Variants in TRABD2B observed in about 807,000 individuals in gnomAD.
The protein encoded by TRABD2B is TraB domain containing 2B.
TRABD2B carries 14 observed loss-of-function variants against 40.1 expected under a neutral mutation model. The observed-to-expected ratio is 0.35, with a 90% CI of 0.23 to 0.55. TRABD2B has a LOEUF of 0.55. Ranked by LOEUF, TRABD2B falls within the 20% of genes least tolerant of loss-of-function variation. The pLI is 0.90. For synonymous variants in TRABD2B, 263 were observed against 277.0 expected, an observed-to-expected ratio of 0.95 and a Z score of 0.50; for missense variants, 541 against 648.6, an observed-to-expected ratio of 0.83 and a Z score of 1.80.
intron 2 of TRABD2B, among the ~76,000 whole-genome samples, chr1:47,929,215 G>A (rs1288583828): frequency 1.3e-5 from 2 of 152,210 alleles, no homozygotes; most frequent in Admixed American, 6.5e-5. Context: ...CAGAGGTCCT[G>A]AGTCTCATGT....
chr1:47,966,854 G>A lies in TRABD2B; in HGVS notation c.666+27180C>T, dbSNP rs191060566. Among the ~76,000 whole-genome samples, 668 of 151,298 alleles carry A rather than the reference G, an allele frequency of 4.4e-3. 5 individuals carry two copies. Among genetic ancestry groups the A allele is most frequent in the African/African-American group, 0.015 (630 of 41,120 alleles). On this transcript the variant is annotated intron_variant, in intron 2 of 6. Coordinates refer to ENST00000606738, the MANE Select transcript of TRABD2B (RefSeq NM_001194986.2). ...CAGGAGGCAGAGGTTGCAGTGAGCT[G>A]AAATCACACCACTGCACCACAGACT...
intron 2 of TRABD2B, among the ~76,000 whole-genome samples, chr1:47,804,376 C>T (rs1366333845): frequency 6.6e-6 from 1 of 152,244 alleles, no homozygotes; most frequent in Non-Finnish European, 1.5e-5. Context: ...GCACATGCCT[C>T]GGATGAAAGT....
intron 2 of TRABD2B, among the ~76,000 whole-genome samples, chr1:47,802,323 T>C (rs529084349): frequency 2.6e-5 from 4 of 152,200 alleles, no homozygotes; most frequent in Non-Finnish European, 5.9e-5. Flanking sequence ...CCTGCACACT[T>C]CCTAAGCAGT....
intron 6 of TRABD2B, among the ~76,000 whole-genome samples, chr1:47,767,572 C>G (rs1448174721): frequency 6.6e-6 from 1 of 152,208 alleles, no homozygotes; most frequent in African/African-American, 2.4e-5. Context: ...AACTGAGGCA[C>G]AAAGCGGTTA....
intron 2 of TRABD2B, among the ~76,000 whole-genome samples, chr1:47,909,450 A>G (rs552161994): frequency 2.0e-4 from 29 of 143,458 alleles, no homozygotes; most frequent in East Asian, 4.2e-4. Context: ...GAAGAAGAAG[A>G]AGAAGGAGAA....
intron 2 of TRABD2B, among the ~76,000 whole-genome samples, chr1:47,897,480 T>C (rs1288321412): frequency 6.6e-6 from 1 of 152,132 alleles, no homozygotes; most frequent in Non-Finnish European, 1.5e-5. Context: ...AACAGGCTCT[T>C]CCACACGGGG....
intron 2 of TRABD2B, among the ~76,000 whole-genome samples, chr1:47,803,093 T>C (rs927800088): frequency 1.3e-5 from 2 of 152,200 alleles, no homozygotes; most frequent in African/African-American, 4.8e-5. Context: ...CGTCTCCACT[T>C]GCAAACTCAG....
chr1:47,839,714 T>G (rs1645369532), intron 2 of TRABD2B, among the ~76,000 whole-genome samples: 1 of 152,198 alleles, frequency 6.6e-6, no homozygotes, highest in South Asian at 2.1e-4. Flanking sequence ...ACACTGACAG[T>G]GTCCTCGCCA....
intron 2 of TRABD2B, among the ~76,000 whole-genome samples, chr1:47,870,559 C>T (rs1644126223): frequency 6.6e-6 from 1 of 152,178 alleles, no homozygotes; most frequent in Non-Finnish European, 1.5e-5. Flanking sequence ...TACTCATGCG[C>T]ACGTCCCCTC....
chr1:47,768,344 C>T (rs1352382656), intron 6 of TRABD2B, among the ~76,000 whole-genome samples: 1 of 151,806 alleles, frequency 6.6e-6, no homozygotes, highest in African/African-American at 2.4e-5. Flanking sequence ...GGGGGAGGGC[C>T]AGGTGGCTTC....
intron 2 of TRABD2B, among the ~76,000 whole-genome samples, chr1:47,821,757 C>G (rs1485253082): frequency 6.6e-6 from 1 of 152,186 alleles, no homozygotes; most frequent in Non-Finnish European, 1.5e-5. Context: ...GCAGCAACCA[C>G]CAGTGTCAGC....
intron 2 of TRABD2B, among the ~76,000 whole-genome samples, chr1:47,944,890 G>A (rs1645239719): frequency 6.6e-6 from 1 of 152,166 alleles, no homozygotes; most frequent in Admixed American, 6.5e-5. Flanking sequence ...GAGATTTGGA[G>A]GTTGAGAACA....
At chr1:47,943,390 T>C (rs1477342927) in intron 2 of TRABD2B, among the ~76,000 whole-genome samples, 1 of 152,188 alleles carries the variant, frequency 6.6e-6, no homozygotes, top group Non-Finnish European at 1.5e-5. Flanking sequence ...CTTTCAGCCT[T>C]CATGGAGAAA....
chr1:47,767,552 C>T (rs1169003174), intron 6 of TRABD2B, among the ~76,000 whole-genome samples: 1 of 152,214 alleles, frequency 6.6e-6, no homozygotes, highest in African/African-American at 2.4e-5. Context: ...CCCCATTGTA[C>T]TTAGGAAGAA....
At chr1:47,856,376 G>A (rs1391376949) in intron 2 of TRABD2B, among the ~76,000 whole-genome samples, 2 of 152,358 alleles carry the variant, frequency 1.3e-5, no homozygotes, top group East Asian at 3.9e-4. Flanking sequence ...GTGAGTGAAC[G>A]CATGAGAGTG....
chr1:47,771,189 G>C (rs1057268916), intron 6 of TRABD2B, among the ~76,000 whole-genome samples: 8 of 152,144 alleles, frequency 5.3e-5, no homozygotes, highest in Non-Finnish European at 1.2e-4. Flanking sequence ...TGGGGAACTG[G>C]AGCTGGAGAA....
chr1:47,968,869 G>A (rs898276735), intron 2 of TRABD2B, among the ~76,000 whole-genome samples: 4 of 152,118 alleles, frequency 2.6e-5, no homozygotes, highest in Admixed American at 2.6e-4. Flanking sequence ...TTGTTTTGGG[G>A]TTGCGATTTC....
intron 2 of TRABD2B, among the ~76,000 whole-genome samples, chr1:47,980,376 T>G (rs1332222255): frequency 6.6e-6 from 1 of 152,086 alleles, no homozygotes; most frequent in Non-Finnish European, 1.5e-5. Flanking sequence ...CAAAGAGAAC[T>G]AACTCCTAGA....
chr1:47,825,656 C>T (rs564566692), intron 2 of TRABD2B, among the ~76,000 whole-genome samples: 1 of 152,318 alleles, frequency 6.6e-6, no homozygotes, highest in Non-Finnish European at 1.5e-5. Flanking sequence ...CAGAAAGGCC[C>T]TCACTTCAAG....
Sources: allele counts gnomAD v4.1 joint callset (sites outside exome capture counted in the v4.1 genomes callset), GRCh38; gene constraint gnomAD v4.1.1; transcripts MANE v1.5; gene names NCBI Gene and HGNC (gene_info 2026-07-23, HGNC 2026-07-21).